Variants in NCKAP5 observed in about 807,000 individuals in gnomAD.
The protein encoded by NCKAP5 is NCK associated protein 5, also known as nck-associated protein 5.
A neutral mutation model predicts 167.0 loss-of-function variants in NCKAP5; 92 were observed. The observed-to-expected ratio is 0.55, with a 90% CI of 0.47 to 0.66. NCKAP5 has a LOEUF of 0.66. Among genes scored for constraint, NCKAP5 ranks in the 30% least tolerant of loss-of-function variants. NCKAP5 has a pLI of 0.00. For missense variants in NCKAP5, 2,378 were observed against 2,315.0 expected (o/e 1.03, Z -0.56); for synonymous variants, 891 against 877.4 (o/e 1.02, Z -0.27).
intron 3 of NCKAP5, among the ~76,000 whole-genome samples, chr2:133,325,644 C>T (rs1482550851): frequency 1.3e-5 from 2 of 152,114 alleles, no homozygotes; most frequent in East Asian, 1.9e-4. Flanking sequence ...TTGTGGGGAT[C>T]ACTCCCCCGC....
chr2:133,491,805 C>A (rs561278013), intron 3 of NCKAP5, among the ~76,000 whole-genome samples: 107 of 152,310 alleles, frequency 7.0e-4, no homozygotes, highest in African/African-American at 2.4e-3. Flanking sequence ...ACAGTAGTCA[C>A]TTCCCGCAGA....
intron 6 of NCKAP5, among the ~76,000 whole-genome samples, chr2:133,013,337 G>T (rs1234752290): frequency 6.6e-6 from 1 of 152,156 alleles, no homozygotes; most frequent in East Asian, 1.9e-4. Context: ...TTTTCACACT[G>T]GTGATAAAGA....
chr2:133,404,834 A>C (rs1353027021), intron 3 of NCKAP5, among the ~76,000 whole-genome samples: 1 of 152,136 alleles, frequency 6.6e-6, no homozygotes, highest in African/African-American at 2.4e-5. Context: ...TCCGCTCTTT[A>C]GCCATCATTT....
chr2:133,482,771 G>C (rs945886944), intron 3 of NCKAP5, among the ~76,000 whole-genome samples: 1 of 152,018 alleles, frequency 6.6e-6, no homozygotes, highest in African/African-American at 2.4e-5. Flanking sequence ...CAGTGTAATA[G>C]AGTTCCCTTT....
chr2:133,092,454 C>A (rs56924347), intron 6 of NCKAP5, among the ~76,000 whole-genome samples: 9,994 of 152,152 alleles, frequency 0.066, 1,063 homozygotes, highest in African/African-American at 0.22. Context: ...TTGATTGAAG[C>A]CATCTAGCCT....
intron 5 of NCKAP5, among the ~76,000 whole-genome samples, chr2:133,155,472 T>C (rs2083540798): frequency 6.6e-6 from 1 of 152,186 alleles, no homozygotes; most frequent in Non-Finnish European, 1.5e-5. Context: ...GCTCTTTCCC[T>C]GGAAGGTTAC....
At chr2:133,605,858 A>AC in the NCKAP5 span, among the ~76,000 whole-genome samples, 1 of 152,178 alleles carries the variant, frequency 6.6e-6, no homozygotes, top group Non-Finnish European at 1.5e-5. Context: ...AGCTGCAATG[A>AC]CCTGGGTAAA....
intron 6 of NCKAP5, among the ~76,000 whole-genome samples, chr2:133,090,485 G>A (rs2081139588): frequency 6.6e-6 from 1 of 152,092 alleles, no homozygotes; most frequent in Non-Finnish European, 1.5e-5. Flanking sequence ...CACAGGCCAA[G>A]GATGGCTGGC....
the NCKAP5 span, among the ~76,000 whole-genome samples, chr2:133,578,539 T>C: frequency 0.019 from 2,819 of 152,204 alleles, 47 homozygotes; most frequent in Middle Eastern, 0.051. Flanking sequence ...TACTGATCCA[T>C]GTAGGAGCAT....
rs544208333 is a variant in NCKAP5 at position 132,787,815 on chromosome 2, C to T, written c.1093-2097G>A. 2.6e-5 allele frequency among the ~76,000 whole-genome samples: 4 copies of T among 152,242 alleles called. No individual in the cohort carries two copies. In the South Asian group the frequency reaches 8.3e-4, roughly 32 times the overall value. On this transcript the variant is annotated intron_variant, in intron 13 of 19. Coordinates refer to ENST00000409261, the MANE Select transcript of NCKAP5 (RefSeq NM_207363.3). ...CCACAGTGTAAGTTTCTAAGAATTT[C>T]CATGATCCTGATAGTCATGTTGACA...
At chr2:133,596,032 A>C in the NCKAP5 span, 1 of 152,264 alleles carries the variant, frequency 6.6e-6, no homozygotes, top group East Asian at 1.9e-4. Flanking sequence ...AATTAAAAAT[A>C]AAATTATTTT....
At chr2:132,975,018 T>C (rs1049521520) in intron 7 of NCKAP5, among the ~76,000 whole-genome samples, 1 of 152,198 alleles carries the variant, frequency 6.6e-6, no homozygotes, top group Non-Finnish European at 1.5e-5. Flanking sequence ...GTGTGCAAAA[T>C]ATATTGTCAC....
rs190915848 is a variant in NCKAP5 at position 133,244,115 on chromosome 2, T to C, written c.144-30336A>G. Among the ~76,000 whole-genome samples, 59 of 152,340 alleles carry C rather than the reference T, an allele frequency of 3.9e-4. No homozygotes were observed. The East Asian group carries it at 0.011, about 28-fold the overall frequency. ...CTCCAGAGATCTATTTCTAGATTTA[T>C]TCATTGTTTAATTTTTTGAGATTTG... is the stretch of plus-strand genomic sequence containing the variant. On this transcript the variant is annotated intron_variant, in intron 4 of 19. Coordinates refer to ENST00000409261, the MANE Select transcript of NCKAP5 (RefSeq NM_207363.3).
At chr2:133,018,668 G>A (rs1040296355) in intron 6 of NCKAP5, among the ~76,000 whole-genome samples, 2 of 152,296 alleles carry the variant, frequency 1.3e-5, no homozygotes, top group Middle Eastern at 3.4e-3. Flanking sequence ...CTCCAGAAAT[G>A]TATTTATCAT....
At chr2:133,064,491 CT>C (rs1029929856) in intron 6 of NCKAP5, among the ~76,000 whole-genome samples, 6 of 148,416 alleles carry the variant, frequency 4.0e-5, no homozygotes, top group African/African-American at 1.5e-4. Flanking sequence ...GATTATACAA[CT>C]GAAAAAAAAA....
chr2:133,062,338 A>G (rs1224564013), intron 6 of NCKAP5, among the ~76,000 whole-genome samples: 1 of 152,184 alleles, frequency 6.6e-6, no homozygotes, highest in Non-Finnish European at 1.5e-5. Context: ...GTTAGATAAG[A>G]GATGAAGCAA....
chr2:133,666,335 T>A, the NCKAP5 span, among the ~76,000 whole-genome samples: 1 of 151,706 alleles, frequency 6.6e-6, no homozygotes, highest in Non-Finnish European at 1.5e-5. Context: ...GTATCTGGGA[T>A]TACAGGCAGC....
chr2:133,130,043 C>T lies in NCKAP5; in HGVS notation c.276G>A (p.Gln92=). The T allele has an allele frequency of 1.2e-6, 2 of 1,611,852 alleles. No homozygotes were observed. The highest frequency in any genetic ancestry group is 1.7e-6 in the Non-Finnish European group (2 of 1,179,122). Residue 92 remains glutamine, a synonymous_variant, in exon 6 of 20, where the codon CAG becomes CAA. Transcript: ENST00000409261. ...HLRLQSEKRL[Q]EVTLESERNR... is the part of the protein sequence containing the mutation. ...TGCGTTCAGACTCTAGGGTCACCTC[C>T]TGCAACCGCTTCTCGCTTTGAAGAC...
intron 19 of NCKAP5, among the ~76,000 whole-genome samples, chr2:132,716,225 A>C (rs1006108701): frequency 1.3e-5 from 2 of 152,142 alleles, no homozygotes; most frequent in African/African-American, 4.8e-5. Context: ...AGCCATCCTC[A>C]AACATGCTCA....
Sources: allele counts gnomAD v4.1 joint callset (sites outside exome capture counted in the v4.1 genomes callset), GRCh38; gene constraint gnomAD v4.1.1; transcripts MANE v1.5; gene names NCBI Gene and HGNC (gene_info 2026-07-23, HGNC 2026-07-21).